Variants in APBB2 observed in about 807,000 individuals in gnomAD.
APBB2 encodes Fe65-like 1.
A neutral mutation model predicts 82.5 loss-of-function variants in APBB2; 38 were observed. That is an observed-to-expected ratio of 0.46 (90% CI 0.36 to 0.60). APBB2 has a LOEUF of 0.60. Among genes scored for constraint, APBB2 ranks in the 20% least tolerant of loss-of-function variants. The pLI is 0.00. For missense variants in APBB2, 772 were observed against 972.3 expected, an observed-to-expected ratio of 0.79 and a Z score of 2.74; for synonymous variants, 341 against 368.2, an observed-to-expected ratio of 0.93 and a Z score of 0.85.
chr4:41,037,839 A>C (rs974612429), intron 4 of APBB2, among the ~76,000 whole-genome samples: 4 of 152,122 alleles, frequency 2.6e-5, no homozygotes, highest in Admixed American at 2.0e-4. Flanking sequence ...CCAACATGTG[A>C]AACCCCATCT....
chr4:41,004,211 G>T (rs542673518), intron 6 of APBB2, among the ~76,000 whole-genome samples: 2 of 152,054 alleles, frequency 1.3e-5, no homozygotes, highest in East Asian at 3.9e-4. Flanking sequence ...GAGCCACTGC[G>T]CCCGGCCACA....
intron 16 of APBB2, 37 bp from the exon 17 acceptor site, chr4:40,822,087 C>T (rs1748173172): frequency 1.2e-6 from 2 of 1,609,256 alleles, no homozygotes; most frequent in East Asian, 4.5e-5. Flanking sequence ...ATCAGGAGAT[C>T]CCAGGATCAA....
intron 5 of APBB2, among the ~76,000 whole-genome samples, chr4:41,028,989 T>C (rs1715595429): frequency 6.6e-6 from 1 of 152,222 alleles, no homozygotes; most frequent in Admixed American, 6.5e-5. Flanking sequence ...ACTTCTCTCT[T>C]CAATAACCTG....
intron 6 of APBB2, among the ~76,000 whole-genome samples, chr4:40,992,490 T>C (rs1802414979): frequency 1.3e-5 from 2 of 152,088 alleles, no homozygotes; most frequent in Non-Finnish European, 2.9e-5. Context: ...CACAGCTTTT[T>C]AGTTCGCTTC....
At chr4:41,060,284 G>A (rs1387605515) in intron 4 of APBB2, among the ~76,000 whole-genome samples, 5 of 152,190 alleles carry the variant, frequency 3.3e-5, no homozygotes, top group African/African-American at 9.6e-5. Flanking sequence ...AAGCTAAAGA[G>A]AACCATGTGT....
chr4:41,040,038 T>C (rs1455829484), intron 4 of APBB2, among the ~76,000 whole-genome samples: 1 of 152,092 alleles, frequency 6.6e-6, no homozygotes, highest in East Asian at 1.9e-4. Context: ...TCCTGATTTC[T>C]TGTGAAAACG....
At chr4:40,904,047 A>T (rs1776037523) in intron 10 of APBB2, among the ~76,000 whole-genome samples, 1 of 152,180 alleles carries the variant, frequency 6.6e-6, no homozygotes, top group Admixed American at 6.5e-5. Flanking sequence ...GCCCTCTGTC[A>T]TCTCCTAGTT....
intron 10 of APBB2, among the ~76,000 whole-genome samples, chr4:40,932,881 C>CGTTTT (rs150469620): frequency 0.039 from 5,949 of 152,090 alleles, 386 homozygotes; most frequent in African/African-American, 0.14. Context: ...TGTTTTGTTT[C>CGTTTT]GAGATGGAGT....
At chr4:41,030,013 G>T (rs543888647) in intron 5 of APBB2, among the ~76,000 whole-genome samples, 1 of 152,112 alleles carries the variant, frequency 6.6e-6, no homozygotes, top group Non-Finnish European at 1.5e-5. Flanking sequence ...AAAATTAGCC[G>T]GGCATGGTGG....
intron 13 of APBB2, among the ~76,000 whole-genome samples, chr4:40,827,823 G>T (rs1481253691): frequency 6.6e-6 from 1 of 152,186 alleles, no homozygotes; most frequent in Non-Finnish European, 1.5e-5. Context: ...GTCCCCTGCT[G>T]ACATGCTTTG....
chr4:40,881,295 C>T, intron 12 of APBB2: 1 of 985,258 alleles, frequency 1.0e-6, no homozygotes, highest in Non-Finnish European at 1.2e-6. Context: ...ATAGATTAAA[C>T]TTTCATCAGC....
intron 6 of APBB2, among the ~76,000 whole-genome samples, chr4:40,955,646 C>T (rs1791417973): frequency 6.6e-6 from 1 of 152,202 alleles, no homozygotes. Context: ...GGCACAGTGG[C>T]TCGTGCCTGT....
intron 12 of APBB2, among the ~76,000 whole-genome samples, chr4:40,874,451 T>G (rs1375581418): frequency 6.6e-6 from 1 of 151,786 alleles, no homozygotes; most frequent in Non-Finnish European, 1.5e-5. Flanking sequence ...ATTGACTGAA[T>G]GCAATGGAAG....
intron 6 of APBB2, among the ~76,000 whole-genome samples, chr4:40,973,500 AC>A (rs1294093528): frequency 6.6e-6 from 1 of 152,146 alleles, no homozygotes. Flanking sequence ...TGGAGTCATC[AC>A]CTATTTCCCA....
intron 6 of APBB2, among the ~76,000 whole-genome samples, chr4:40,995,798 G>C (rs1250060967): frequency 1.3e-5 from 2 of 151,802 alleles, no homozygotes; most frequent in Non-Finnish European, 2.9e-5. Context: ...CCCTCCCAAA[G>C]TACTGGGGAT....
At chr4:40,962,956 C>T (rs1019130488) in intron 6 of APBB2, among the ~76,000 whole-genome samples, 2 of 152,228 alleles carry the variant, frequency 1.3e-5, no homozygotes. Flanking sequence ...GCTCTTGAAG[C>T]GTTAGAGGTT....
At chr4:40,953,456 G>C (rs1357430271) in intron 6 of APBB2, among the ~76,000 whole-genome samples, 1 of 151,976 alleles carries the variant, frequency 6.6e-6, no homozygotes, top group African/African-American at 2.4e-5. Context: ...ATGGTCAACT[G>C]GTGTGTCATT....
intron 3 of APBB2, among the ~76,000 whole-genome samples, chr4:41,074,098 C>T (rs764596797): frequency 3.3e-5 from 5 of 152,148 alleles, no homozygotes; most frequent in Non-Finnish European, 7.3e-5. Flanking sequence ...TGCACTTCAG[C>T]CTGGGTGACA....
chr4:41,174,309 C>T (rs1358768209), intron 1 of APBB2, among the ~76,000 whole-genome samples: 2 of 152,162 alleles, frequency 1.3e-5, no homozygotes, highest in Non-Finnish European at 2.9e-5. Flanking sequence ...CAGTTCCTAA[C>T]CTTTTTTAAG....
Sources: allele counts gnomAD v4.1 joint callset (sites outside exome capture counted in the v4.1 genomes callset), GRCh38; gene constraint gnomAD v4.1.1; transcripts MANE v1.5; gene names NCBI Gene and HGNC (gene_info 2026-07-23, HGNC 2026-07-21).